The following NET1 variants were observed in gnomAD, a reference collection of about 807,000 sequenced individuals.
NET1 encodes neuroepithelial cell transforming 1.
Under a neutral mutation model 61.1 loss-of-function variants are expected in NET1, and 42 were observed. The ratio of observed to expected loss-of-function variants is 0.69; its 90% confidence interval spans 0.54 to 0.89. NET1 has a LOEUF of 0.89. NET1 is among the 40% of genes least tolerant of loss of function. The probability of loss-of-function intolerance (pLI) is 0.00; values close to 1 mark genes in which losing one functional copy is unlikely to be tolerated. For synonymous variants in NET1, 254 were observed against 281.8 expected (o/e 0.90, Z 0.99); for missense variants, 654 against 747.3 (o/e 0.88, Z 1.46).
chr10:5,429,280 C>T, intron 3 of NET1, 51 bp downstream of exon 3: 1 of 1,294,474 alleles, frequency 7.7e-7, no homozygotes, highest in South Asian at 1.3e-5. Context: ...ATGCAGATAG[C>T]ATTTTATTTC....
chr10:5,456,088 A>C lies in NET1; in HGVS notation c.1199A>C (p.Lys400Thr). 1 of 1,608,192 alleles carries C rather than the reference A, an allele frequency of 6.2e-7. No individual in the cohort carries two copies. Among genetic ancestry groups the C allele is most frequent in the Non-Finnish European group, 8.5e-7 (1 of 1,176,814 alleles). ...HGELRSKSGH[K>T]LYIFLFQDIL... The stretch of plus-strand genomic sequence containing the variant: ...AGCGTTTGTTTCCCATTTCTCCAGA[A>C]ACTTTACATTTTCCTGTTTCAAGAC... Residue 400 changes from lysine (K) to threonine (T), a missense_variant and splice_region_variant, in exon 11 of 12, where the codon AAA becomes ACA. By Grantham distance (78) the Lys-to-Thr change is moderately conservative (BLOSUM62 -1). Transcript: ENST00000355029. This position sits in a 1 kb window ranked among gnomAD's most constrained non-coding sequence, Gnocchi z 7.0.
Position 5,437,196 on chromosome 10 carries a change from T to A in NET1, c.255+7967T>A, listed in dbSNP as rs1832450420. 6.6e-6 allele frequency among the ~76,000 whole-genome samples: 1 copy of A among 152,226 alleles called. No individual in the cohort carries two copies. The highest frequency in any genetic ancestry group is 2.4e-5 in the African/African-American group (1 of 41,468). ...GCCTTCAGCCTCTGAAGTATCCAGT[T>A]ATTATTTGATGTTTGTCCAGATTGT... On this transcript the variant is annotated intron_variant, in intron 3 of 11. Coordinates refer to ENST00000355029, the MANE Select transcript of NET1 (RefSeq NM_001047160.3). This position sits in a 1 kb window ranked among gnomAD's most constrained non-coding sequence, Gnocchi z 4.3.
In NET1 at chr10:5,420,949, C is replaced by T. The variant is rs114873389; in HGVS notation, c.129-5706C>T. On this transcript the variant is annotated intron_variant, in intron 1 of 11. Transcript: ENST00000355029. This position sits in a 1 kb window ranked among gnomAD's most constrained non-coding sequence, Gnocchi z 5.3. ...ATACTACATGATTGAGAGCTCAGAA[C>T]GAGGACTGCTTTTCTGGCCTAGTTT... Among the ~76,000 whole-genome samples, 1,357 of 152,248 alleles carry T rather than the reference C, an allele frequency of 8.9e-3. 19 individuals carry two copies. Among genetic ancestry groups the T allele is most frequent in the African/African-American group, 0.03 (1,248 of 41,536 alleles).
Position 5,457,199 on chromosome 10 carries a change from T to G in NET1, c.*205T>G. Reference sequence around the variant, plus strand: ...ATTGCAGTCCTTTTTTTTTTAAAGATATTTTCTTGAATTATTTAGAACATG... The same window carrying G: ...ATTGCAGTCCTTTTTTTTTTAAAGAGATTTTCTTGAATTATTTAGAACATG... On this transcript the variant is annotated 3_prime_UTR_variant, in exon 12 of 12. Transcript: ENST00000355029. The surrounding 1 kb of genome is among the most constrained non-coding windows in gnomAD (Gnocchi z 5.4). The G allele has an allele frequency of 2.5e-6, 1 of 400,406 alleles. No homozygotes were observed. Among genetic ancestry groups the G allele is most frequent in the Non-Finnish European group, 4.3e-6 (1 of 231,130 alleles). The allele number at this position is 400,406 out of a possible 1,614,324, so 24.8% of individuals were successfully genotyped here.
rs139789174 is a variant in NET1, at chr10:5,449,137, G to C, written c.256-2693G>C. 9.4e-4 allele frequency among the ~76,000 whole-genome samples: 143 copies of C among 152,156 alleles called. No individual in the cohort carries two copies. The highest frequency in any genetic ancestry group is 3.3e-3 in the African/African-American group (138 of 41,488). Reference sequence around the variant, plus strand: ...TCATGTATGAGTCTGTTTTCAAATAGTATATGTATCCTGAAATTAGTAGCA... The same window carrying C: ...TCATGTATGAGTCTGTTTTCAAATACTATATGTATCCTGAAATTAGTAGCA... On this transcript the variant is annotated intron_variant, in intron 3 of 11. Transcript: ENST00000355029. The surrounding 1 kb of genome is among the most constrained non-coding windows in gnomAD (Gnocchi z 4.4).
Position 5,412,938 on chromosome 10 carries a change from T to G in NET1, c.128+118T>G. The G allele has an allele frequency of 2.6e-6, 1 of 390,938 alleles. No homozygotes were observed. Among genetic ancestry groups the G allele is most frequent in the Non-Finnish European group, 3.3e-6 (1 of 301,804 alleles). 24.2% of individuals were successfully genotyped at this position (390,938 alleles called of 1,614,324 possible). A position where few individuals can be genotyped will look rare whatever the true frequency, so the allele number is the denominator to read the frequency against. On this transcript the variant is annotated intron_variant, in intron 1 of 11. Coordinates refer to ENST00000355029, the MANE Select transcript of NET1 (RefSeq NM_001047160.3). The surrounding 1 kb of genome is among the most constrained non-coding windows in gnomAD (Gnocchi z 6.5). ...GGGGAGGGGAGGGCTGGCCGGGAGTTGGATGTGGGGGGCGGCGAGTGGGGG... is the reference window on the plus strand; with the variant it reads ...GGGGAGGGGAGGGCTGGCCGGGAGTGGGATGTGGGGGGCGGCGAGTGGGGG...
Position 5,438,502 on chromosome 10 carries a change from C to A in NET1, c.255+9273C>A, listed in dbSNP as rs145136805. Among the ~76,000 whole-genome samples, 239 of 152,112 alleles carry A rather than the reference C, an allele frequency of 1.6e-3. 2 individuals carry two copies. The highest frequency in any genetic ancestry group is 5.6e-3 in the African/African-American group (231 of 41,518). ...AAATGGATAATCTAGATGAAATGGA[C>A]AAATTCCTAGAAACACACAATCTAC... is the stretch of plus-strand genomic sequence containing the variant. On this transcript the variant is annotated intron_variant, in intron 3 of 11. Coordinates refer to ENST00000355029, the MANE Select transcript of NET1 (RefSeq NM_001047160.3).
intron 1 of NET1, among the ~76,000 whole-genome samples, chr10:5,413,588 G>C (rs1290521533): frequency 2.0e-5 from 3 of 152,172 alleles, no homozygotes; most frequent in African/African-American, 7.2e-5. Flanking sequence ...ATTTCAAGAA[G>C]AGGACGTGGC....
chr10:5,426,763 A>G lies in NET1; in HGVS notation c.195+42A>G, dbSNP rs780677584. On this transcript the variant is annotated intron_variant, in intron 2 of 11. Transcript: ENST00000355029. This position sits in a 1 kb window ranked among gnomAD's most constrained non-coding sequence, Gnocchi z 4.6. ...GTTTTTATTTCGAGACATTAGATAGAATTAATTCCCTGGTTTCTTTCAGTC... is the reference window on the plus strand; with the variant it reads ...GTTTTTATTTCGAGACATTAGATAGGATTAATTCCCTGGTTTCTTTCAGTC... 2.9e-6 allele frequency: 4 copies of G among 1,375,504 alleles called. No homozygotes were observed. Among genetic ancestry groups the G allele is most frequent in the Non-Finnish European group, 4.0e-6 (4 of 991,454 alleles). 85.2% of individuals were successfully genotyped at this position (1,375,504 alleles called of 1,614,324 possible).
intron 3 of NET1, among the ~76,000 whole-genome samples, chr10:5,445,063 C>T (rs1832584711): frequency 6.6e-6 from 1 of 152,208 alleles, no homozygotes; most frequent in African/African-American, 2.4e-5. Context: ...TGTTTTCAGT[C>T]ATCTTTCAAC....
Position 5,457,906 on chromosome 10 carries a change from G to A in NET1, c.*912G>A, listed in dbSNP as rs974760587. ...AGAAAACCACTTCAAAGATTTTGTT[G>A]AAAGTTTTAGTGTTGTCTGAAATGC... On this transcript the variant is annotated 3_prime_UTR_variant, in exon 12 of 12. Coordinates refer to ENST00000355029, the MANE Select transcript of NET1 (RefSeq NM_001047160.3). The surrounding 1 kb of genome is among the most constrained non-coding windows in gnomAD (Gnocchi z 5.4). 5.2e-5 allele frequency: 8 copies of A among 152,576 alleles called. No individual in the cohort carries two copies. Among genetic ancestry groups the A allele is most frequent in the Admixed American group, 4.6e-4 (7 of 15,284 alleles). 9.5% of individuals were successfully genotyped at this position (152,576 alleles called of 1,614,324 possible). A position where few individuals can be genotyped will look rare whatever the true frequency, so the allele number is the denominator to read the frequency against.
chr10:5,452,880 G>T lies in NET1; in HGVS notation c.554G>T (p.Gly185Val), dbSNP rs749539181. 4 of 1,613,780 alleles carry T rather than the reference G, an allele frequency of 2.5e-6. No homozygotes were observed. The highest frequency in any genetic ancestry group is 2.2e-5 in the East Asian group (1 of 44,842). The change falls in exon 6 of 12, where the codon GGT becomes GTT. Residue 185 changes from glycine to valine, a missense_variant. Gly to Val is a moderately radical substitution (Grantham distance 109). Transcript: ENST00000355029. The surrounding 1 kb of genome is among the most constrained non-coding windows in gnomAD (Gnocchi z 4.0). ...RQEAIYEMSRGEQDLIEDLKL... is the reference protein window; with the variant it reads ...RQEAIYEMSRVEQDLIEDLKL... The stretch of plus-strand genomic sequence containing the variant: ...TAGGCAATATATGAAATGTCCCGAG[G>T]TGAACAGGATTTAATTGAGGATCTC...
In NET1 at chr10:5,456,454, A is replaced by G. The variant is rs1177134540; in HGVS notation, c.1385-134A>G. 2 of 1,055,640 alleles carry G rather than the reference A, an allele frequency of 1.9e-6. No individual in the cohort carries two copies. The highest frequency in any genetic ancestry group is 5.9e-5 in the Admixed American group (2 of 34,166). The allele number at this position is 1,055,640 out of a possible 1,614,324, so 65.4% of individuals were successfully genotyped here. On this transcript the variant is annotated intron_variant, in intron 11 of 11. Coordinates refer to ENST00000355029, the MANE Select transcript of NET1 (RefSeq NM_001047160.3). This position sits in a 1 kb window ranked among gnomAD's most constrained non-coding sequence, Gnocchi z 7.0. ...CAGGTGTATCTAAGAAATAATGCAT[A>G]GGCTTAATGTATTCACATTGACATA... is the stretch of plus-strand genomic sequence containing the variant.
chr10:5,414,471 T>C (rs914277899), intron 1 of NET1, among the ~76,000 whole-genome samples: 1 of 152,246 alleles, frequency 6.6e-6, no homozygotes, highest in African/African-American at 2.4e-5. Flanking sequence ...AGGAGATTTG[T>C]GGACCCAGCT....
chr10:5,445,533 C>A (rs977901119), intron 3 of NET1, among the ~76,000 whole-genome samples: 1 of 152,096 alleles, frequency 6.6e-6, no homozygotes. Context: ...TTCTATAAAT[C>A]CTCAGACTAG....
At position 5,439,064 on chromosome 10, in the gene NET1, C is replaced by T. The variant is rs974550858; in HGVS notation, c.255+9835C>T. Among the ~76,000 whole-genome samples, 1 of 152,268 alleles carries T rather than the reference C, an allele frequency of 6.6e-6. No individual in the cohort carries two copies. The highest frequency in any genetic ancestry group is 2.4e-5 in the African/African-American group (1 of 41,474). On this transcript the variant is annotated intron_variant, in intron 3 of 11. Coordinates refer to ENST00000355029, the MANE Select transcript of NET1 (RefSeq NM_001047160.3). This position sits in a 1 kb window ranked among gnomAD's most constrained non-coding sequence, Gnocchi z 4.8. ...TCATAGGCCCATCCATATGCCTCTTCTCCAAAATTGATTTCTACCTTTTCA... is the reference window on the plus strand; with the variant it reads ...TCATAGGCCCATCCATATGCCTCTTTTCCAAAATTGATTTCTACCTTTTCA...
In NET1 at chr10:5,416,639, G is replaced by T. The variant is rs1465656423; in HGVS notation, c.128+3819G>T. ...TGCTAAATTTATTCCTAAGTATTTT[G>T]TTCTTTTTGATGCAGTTGTAAATGG... On this transcript the variant is annotated intron_variant, in intron 1 of 11. Transcript: ENST00000355029. This position sits in a 1 kb window ranked among gnomAD's most constrained non-coding sequence, Gnocchi z 6.1. 6.6e-6 allele frequency among the ~76,000 whole-genome samples: 1 copy of T among 152,122 alleles called. No individual in the cohort carries two copies. The highest frequency in any genetic ancestry group is 2.4e-5 in the African/African-American group (1 of 41,432).
intron 3 of NET1, among the ~76,000 whole-genome samples, chr10:5,438,928 C>G (rs1249129765): frequency 6.6e-6 from 1 of 152,196 alleles, no homozygotes; most frequent in East Asian, 1.9e-4. Flanking sequence ...CTCCTGTGCT[C>G]ATGGGTCTAT....
rs778262266 is a variant in NET1, at chr10:5,449,473, A to G, written c.256-2357A>G. On this transcript the variant is annotated intron_variant, in intron 3 of 11. Coordinates refer to ENST00000355029, the MANE Select transcript of NET1 (RefSeq NM_001047160.3). The surrounding 1 kb of genome is among the most constrained non-coding windows in gnomAD (Gnocchi z 4.4). ...TTCCTTTGTGGAGAAGTGGGATTAT[A>G]GTTGGATTTTTAAAGGACTGTGGAA... Among the ~76,000 whole-genome samples, 3 of 152,190 alleles carry G rather than the reference A, an allele frequency of 2.0e-5. No homozygotes were observed. The highest frequency in any genetic ancestry group is 2.9e-5 in the Non-Finnish European group (2 of 68,038).
Sources: allele counts gnomAD v4.1 joint callset (sites outside exome capture counted in the v4.1 genomes callset), GRCh38; gene constraint gnomAD v4.1.1; non-coding constraint Gnocchi (gnomAD v3.1); transcripts MANE v1.5; gene names NCBI Gene and HGNC (gene_info 2026-07-23, HGNC 2026-07-21).